ANKRD36B: variants seen among roughly 807,000 people sequenced by gnomAD.
ANKRD36B encodes ankyrin repeat domain 36B.
ANKRD36B carries 37 observed loss-of-function variants against 135.7 expected under a neutral mutation model. The observed-to-expected ratio is 0.27, with a 90% CI of 0.21 to 0.36. ANKRD36B has a LOEUF of 0.36. Among genes scored for constraint, ANKRD36B ranks in the 10% least tolerant of loss-of-function variants. The probability of loss-of-function intolerance (pLI) is 1.00; values close to 1 mark genes in which losing one functional copy is unlikely to be tolerated. For missense variants in ANKRD36B, 549 were observed against 1,037.1 expected, an observed-to-expected ratio of 0.53 and a Z score of 6.46; for synonymous variants, 179 against 348.1, an observed-to-expected ratio of 0.51 and a Z score of 5.41.
At chr2:97,549,677 C>T (rs2079856212) in intron 18 of ANKRD36B, 63 bp from the exon 19 acceptor site, 1 of 1,601,700 alleles carries the variant, frequency 6.2e-7, no homozygotes, top group Non-Finnish European at 8.5e-7. Context: ...TCCACACATT[C>T]ATGCAGTGTT....
intron 6 of ANKRD36B, among the ~76,000 whole-genome samples, chr2:97,563,372 C>G (rs2442257): frequency 3.3e-5 from 5 of 151,746 alleles, no homozygotes; most frequent in East Asian, 1.9e-4. Flanking sequence ...ATATGGAACA[C>G]AAATATTTTC....
intron 26 of ANKRD36B, among the ~76,000 whole-genome samples, chr2:97,543,546 G>C (rs2104552588): frequency 1.0e-5 from 1 of 95,976 alleles, no homozygotes; most frequent in African/African-American, 3.1e-5. Context: ...CTTATGTCTT[G>C]AACTGCTCTC....
In ANKRD36B at chr2:97,532,378, T is replaced by G. The variant is rs200165552; in HGVS notation, c.2198A>C (p.Gln733Pro). ...KEVQTSTPAE[Q>P]DLEMASEGEQ... ...TCCCTCTGATGCCATTTCTAAGTCT[T>G]GTTCTGCTAAAAAAATTATATATTT... The change falls in exon 35 of 44, where the codon CAA becomes CCA. Residue 733 changes from glutamine (Q) to proline (P), a missense_variant. Physicochemically the swap from Gln to Pro is moderately conservative, Grantham distance 76 (BLOSUM62 -1). Transcript: ENST00000359901. 3.8e-3 allele frequency: 2,759 copies of G among 726,684 alleles called. 885 individuals are homozygous for G. The Middle Eastern group carries it at 0.042, about 11-fold the overall frequency. 45.0% of individuals were successfully genotyped at this position (726,684 alleles called of 1,614,324 possible). A position where few individuals can be genotyped will look rare whatever the true frequency, so the allele number is the denominator to read the frequency against.
intron 18 of ANKRD36B, 140 bp from the exon 19 acceptor site, chr2:97,549,754 G>T (rs2079862764): frequency 1.4e-6 from 2 of 1,455,256 alleles, no homozygotes; most frequent in South Asian, 2.4e-5. Context: ...TGTGTCTGCG[G>T]ACTAGAACGT....
intron 14 of ANKRD36B, among the ~76,000 whole-genome samples, 185 bp from the exon 15 acceptor site, chr2:97,553,556 G>A (rs1268801387): frequency 6.6e-6 from 1 of 151,910 alleles, no homozygotes; most frequent in East Asian, 1.9e-4. Context: ...AAATAGATGT[G>A]TCACGATACA....
rs890771083 is a variant in ANKRD36B at position 97,551,108 on chromosome 2, C to G, written c.1375+181G>C. ...CAATGTGGGGATGTGTATAATCTTA[C>G]AGCCAAGATCATATTCCAGACCAGC... On this transcript the variant is annotated intron_variant, in intron 18 of 43. Transcript: ENST00000359901. Among the ~76,000 whole-genome samples the G allele has an allele frequency of 5.3e-5, 8 of 151,818 alleles. No individual in the cohort carries two copies. The East Asian group carries it at 5.8e-4, about 11-fold the overall frequency.
chr2:97,575,608 G>A (rs2082175690), intron 6 of ANKRD36B, among the ~76,000 whole-genome samples: 1 of 130,860 alleles, frequency 7.6e-6, no homozygotes, highest in African/African-American at 2.7e-5. Context: ...ATATTTCCTA[G>A]ATCAACATGG....
At chr2:97,576,133 C>T (rs1053943945) in intron 6 of ANKRD36B, among the ~76,000 whole-genome samples, 9 of 150,682 alleles carry the variant, frequency 6.0e-5, no homozygotes, top group Non-Finnish European at 1.3e-4. Flanking sequence ...TTCTTATTTA[C>T]ACAAAAAGGT....
At position 97,540,152 on chromosome 2, in the gene ANKRD36B, C is replaced by A. The variant is rs2079081772; in HGVS notation, c.1915-46G>T. 2 of 949,416 alleles carry A rather than the reference C, an allele frequency of 2.1e-6. 1 individual carries two copies. The highest frequency in any genetic ancestry group is 3.2e-6 in the Non-Finnish European group (2 of 629,912). The allele number at this position is 949,416 out of a possible 1,614,324, so 58.8% of individuals were successfully genotyped here. On this transcript the variant is annotated intron_variant, in intron 29 of 43. Transcript: ENST00000359901. ...AATAATAAATAAATAAAGTATGTTT[C>A]ATAGACTATACAATTACTAGTTCAC...
chr2:97,570,639 G>A (rs2081781270), intron 6 of ANKRD36B, among the ~76,000 whole-genome samples: 1 of 152,108 alleles, frequency 6.6e-6, no homozygotes, highest in African/African-American at 2.4e-5. Context: ...GTCAAAATTT[G>A]AAGCTACAGG....
chr2:97,560,192 C>T (rs368685724), intron 8 of ANKRD36B, among the ~76,000 whole-genome samples: 1 of 151,880 alleles, frequency 6.6e-6, no homozygotes, highest in African/African-American at 2.4e-5. Flanking sequence ...CTCCTTCCTG[C>T]CTCACAATCC....
intron 10 of ANKRD36B, 119 bp from the exon 11 acceptor site, chr2:97,557,251 G>A (rs1295906781): frequency 8.5e-6 from 12 of 1,408,298 alleles, no homozygotes; most frequent in Non-Finnish European, 1.1e-5. Context: ...AGGATTTGAT[G>A]TTTTACAGTT....
chr2:97,553,365 G>A lies in ANKRD36B; in HGVS notation c.1178C>T (p.Ser393Phe), dbSNP rs773321176. Reference sequence around the variant, plus strand: ...TACCTTCAAGGCTTGTTGTTTCTGAGAAGACACTGAAAAGCAAAAGGGATA... The same window carrying A: ...TACCTTCAAGGCTTGTTGTTTCTGAAAAGACACTGAAAAGCAAAAGGGATA... ...KDGLQCGTVS[S>F]QKQQALKATT... Residue 393 changes from serine to phenylalanine, a missense_variant, in exon 15 of 44, where the codon TCT (serine) becomes TTT (phenylalanine). Transcript: ENST00000359901. 9 of 1,609,544 alleles carry A rather than the reference G, an allele frequency of 5.6e-6. No individual in the cohort carries two copies. The South Asian group carries it at 9.9e-5, about 18-fold the overall frequency.
intron 6 of ANKRD36B, among the ~76,000 whole-genome samples, chr2:97,565,163 T>C (rs2104820359): frequency 6.6e-6 from 1 of 152,332 alleles, no homozygotes; most frequent in Middle Eastern, 3.4e-3. Flanking sequence ...GATTTAGCAC[T>C]CTATTACTGG....
chr2:97,496,237 T>A (rs1331268799), intron 43 of ANKRD36B, among the ~76,000 whole-genome samples: 1 of 107,722 alleles, frequency 9.3e-6, no homozygotes, highest in Non-Finnish European at 2.6e-5. Context: ...TAAGCCTTAG[T>A]AACATTCTTT....
chr2:97,510,968 C>G (rs1232612801), intron 39 of ANKRD36B, among the ~76,000 whole-genome samples, 170 bp downstream of exon 39: 1 of 151,980 alleles, frequency 6.6e-6, no homozygotes, highest in African/African-American at 2.4e-5. Flanking sequence ...GAAAGCATCT[C>G]TCAGTTCTAA....
At chr2:97,565,246 G>A (rs2081343003) in intron 6 of ANKRD36B, among the ~76,000 whole-genome samples, 1 of 151,936 alleles carries the variant, frequency 6.6e-6, no homozygotes, top group South Asian at 2.1e-4. Context: ...CTTATCAGCT[G>A]AAGGAGATTT....
intron 18 of ANKRD36B, among the ~76,000 whole-genome samples, chr2:97,550,268 G>T (rs6739531): frequency 0.53 from 68,306 of 129,606 alleles, 20,406 homozygotes; most frequent in Non-Finnish European, 0.66. Context: ...TCTTCATCCA[G>T]TCGTGGCACC....
At chr2:97,564,403 T>C (rs1378726386) in intron 6 of ANKRD36B, among the ~76,000 whole-genome samples, 1 of 152,192 alleles carries the variant, frequency 6.6e-6, no homozygotes, top group Non-Finnish European at 1.5e-5. Context: ...TTGTCAATTT[T>C]GGCTTTTGTT....
Sources: gnomAD v4.1 joint callset for allele counts (sites outside exome capture counted in the v4.1 genomes callset) on GRCh38, gnomAD v4.1.1 for gene constraint, MANE v1.5 for transcripts, NCBI Gene and HGNC (gene_info 2026-07-23, HGNC 2026-07-21) for gene names.